The following RIN2 variants were observed in gnomAD, a reference collection of about 807,000 sequenced individuals.
RIN2 encodes the protein RAB5 interacting protein 2.
In RIN2, 36 loss-of-function variants were observed where a neutral mutation model predicts 78.0. The observed-to-expected ratio is 0.46, with a 90% CI of 0.35 to 0.61. RIN2 has a LOEUF of 0.61. Ranked by LOEUF, RIN2 falls within the 20% of genes least tolerant of loss-of-function variation. The pLI is 0.00. For missense variants in RIN2, 1,087 were observed against 1,159.7 expected (o/e 0.94, Z 0.91); for synonymous variants, 466 against 466.8 (o/e 1.00, Z 0.02).
At chr20:19,997,059 CA>C (rs1407049187) in intron 12 of RIN2, among the ~76,000 whole-genome samples, 1 of 151,964 alleles carries the variant, frequency 6.6e-6, no homozygotes, top group Non-Finnish European at 1.5e-5. Context: ...TTAAGAAAAC[CA>C]AGTTGAATTA....
At chr20:19,981,644 C>T (rs951726662) in intron 9 of RIN2, among the ~76,000 whole-genome samples, 5 of 152,210 alleles carry the variant, frequency 3.3e-5, no homozygotes. Context: ...GTAGCCCATA[C>T]TTTTGCAGAC....
chr20:19,877,672 C>A (rs117184380), intron 2 of RIN2, among the ~76,000 whole-genome samples: 1 of 152,106 alleles, frequency 6.6e-6, no homozygotes. Context: ...CACACAGGAC[C>A]GAACCTTATA....
chr20:19,867,382 C>T (rs539715156), intron 2 of RIN2, among the ~76,000 whole-genome samples: 4 of 152,242 alleles, frequency 2.6e-5, no homozygotes, highest in African/African-American at 9.6e-5. Flanking sequence ...ATCTGTTGCC[C>T]ATATTTCAGT....
intron 4 of RIN2, among the ~76,000 whole-genome samples, chr20:19,946,458 G>A (rs891483838): frequency 2.6e-5 from 4 of 152,082 alleles, no homozygotes; most frequent in African/African-American, 9.7e-5. Flanking sequence ...TTCACACCTG[G>A]AATCCCAGCA....
chr20:19,796,428 T>C (rs920863656), intron 1 of RIN2, among the ~76,000 whole-genome samples: 3 of 152,230 alleles, frequency 2.0e-5, no homozygotes, highest in Non-Finnish European at 2.9e-5. Context: ...TGAAGTTGGG[T>C]ATATCCAGCG....
Position 20,000,771 on chromosome 20 carries a change from C to T in RIN2, c.2523C>T (p.Asp841=), listed in dbSNP as rs201406234. 4.7e-5 allele frequency: 76 copies of T among 1,613,948 alleles called. No homozygotes were observed. Among genetic ancestry groups the T allele is most frequent in the South Asian group, 1.4e-4 (13 of 91,088 alleles). Residue 841 remains aspartate (D), a synonymous_variant, in exon 13 of 13, where the codon GAC becomes GAT. Transcript: ENST00000255006. ...PEEYSLFLFV[D]ETWQQLAEDT... is the part of the protein sequence containing the mutation. ...AGTACAGCCTCTTTCTCTTCGTTGACGAGACATGGCAGCAGCTGGCAGAGG... is the reference window on the plus strand; with the variant it reads ...AGTACAGCCTCTTTCTCTTCGTTGATGAGACATGGCAGCAGCTGGCAGAGG...
At chr20:19,908,395 G>A (rs1000456524) in intron 3 of RIN2, among the ~76,000 whole-genome samples, 1 of 151,776 alleles carries the variant, frequency 6.6e-6, no homozygotes. Flanking sequence ...GGAGGCTGAG[G>A]CAGGAGAATG....
chr20:19,851,284 A>G (rs1312350017), intron 2 of RIN2, among the ~76,000 whole-genome samples: 3 of 152,114 alleles, frequency 2.0e-5, no homozygotes, highest in Non-Finnish European at 4.4e-5. Flanking sequence ...ACTAGGCCAT[A>G]GAGGACTCAA....
chr20:19,806,164 AG>A (rs1388466562), intron 2 of RIN2, among the ~76,000 whole-genome samples: 1 of 152,218 alleles, frequency 6.6e-6, no homozygotes, highest in Non-Finnish European at 1.5e-5. Flanking sequence ...TATTGTGAAC[AG>A]TGCTGCAATA....
At chr20:19,829,596 G>C (rs1288045565) in intron 2 of RIN2, among the ~76,000 whole-genome samples, 1 of 152,168 alleles carries the variant, frequency 6.6e-6, no homozygotes, top group Non-Finnish European at 1.5e-5. Context: ...TATTGGTCAG[G>C]GTTTTTAGAT....
intron 3 of RIN2, among the ~76,000 whole-genome samples, chr20:19,916,400 C>T (rs2039686354): frequency 6.6e-6 from 1 of 152,192 alleles, no homozygotes; most frequent in East Asian, 1.9e-4. Context: ...GGGAGGATTG[C>T]CTGAGGCCAG....
intron 1 of RIN2, among the ~76,000 whole-genome samples, chr20:19,797,283 G>A (rs2035087534): frequency 6.6e-6 from 1 of 152,058 alleles, no homozygotes; most frequent in South Asian, 2.1e-4. Context: ...GAATATGCAG[G>A]CCCACCGTAT....
intron 1 of RIN2, among the ~76,000 whole-genome samples, chr20:19,779,677 A>T (rs912125038): frequency 6.6e-6 from 1 of 152,206 alleles, no homozygotes; most frequent in Non-Finnish European, 1.5e-5. Context: ...CACAGGAAAA[A>T]CAAGTATTAA....
intron 1 of RIN2, among the ~76,000 whole-genome samples, chr20:19,773,267 G>T (rs1177729807): frequency 1.3e-5 from 2 of 152,180 alleles, no homozygotes; most frequent in South Asian, 4.1e-4. Flanking sequence ...AGTTAAATCT[G>T]CATAGACCCC....
intron 2 of RIN2, among the ~76,000 whole-genome samples, chr20:19,805,751 G>A (rs771819925): frequency 6.6e-6 from 1 of 151,922 alleles, no homozygotes; most frequent in Non-Finnish European, 1.5e-5. Flanking sequence ...TAAGTTCTGG[G>A]GTACATGTGC....
chr20:19,890,522 G>A (rs2038398915), intron 3 of RIN2, among the ~76,000 whole-genome samples: 1 of 152,152 alleles, frequency 6.6e-6, no homozygotes, highest in Non-Finnish European at 1.5e-5. Flanking sequence ...CTTGTCCTCA[G>A]AGGAGGAAGA....
chr20:19,994,235 G>T (rs1318492795), intron 11 of RIN2, among the ~76,000 whole-genome samples: 1 of 152,238 alleles, frequency 6.6e-6, no homozygotes, highest in Non-Finnish European at 1.5e-5. Flanking sequence ...AGGCGGCCCA[G>T]TTGGGTTGGC....
At chr20:19,955,244 A>T (rs533860847) in intron 4 of RIN2, among the ~76,000 whole-genome samples, 14 of 152,260 alleles carry the variant, frequency 9.2e-5, no homozygotes, top group African/African-American at 3.4e-4. Flanking sequence ...ACTGAACAAG[A>T]TGCTTTCCAA....
At chr20:19,870,796 A>G (rs1322335608) in intron 2 of RIN2, among the ~76,000 whole-genome samples, 2 of 152,260 alleles carry the variant, frequency 1.3e-5, no homozygotes, top group East Asian at 3.9e-4. Flanking sequence ...GATTCCACAT[A>G]CACACTCTCT....
Sources: gnomAD v4.1 joint callset for allele counts (sites outside exome capture counted in the v4.1 genomes callset) on GRCh38, gnomAD v4.1.1 for gene constraint, MANE v1.5 for transcripts, NCBI Gene and HGNC (gene_info 2026-07-23, HGNC 2026-07-21) for gene names.